Variants in BPTF observed in about 807,000 individuals in gnomAD.
BPTF encodes bromodomain PHD finger transcription factor.
In BPTF, 18 loss-of-function variants were observed where a neutral mutation model predicts 292.5. The ratio of observed to expected loss-of-function variants is 0.06; its 90% CI spans 0.04 to 0.09. The LOEUF is 0.09. BPTF is among the 10% of genes least tolerant of loss of function. The pLI, the probability that BPTF is intolerant of heterozygous loss-of-function variation, is 1.00. For synonymous variants in BPTF, 1,225 were observed against 1,251.9 expected, an observed-to-expected ratio of 0.98 and a Z score of 0.45; for missense variants, 2,726 against 3,498.7, an observed-to-expected ratio of 0.78 and a Z score of 5.57.
At chr17:67,869,919 G>A (rs61067468) in intron 3 of BPTF, among the ~76,000 whole-genome samples, 27,632 of 148,314 alleles carry the variant, frequency 0.19, 3,565 homozygotes, top group East Asian at 0.66. Context: ...AGAGAATGGC[G>A]TGAACCCGGG....
At chr17:67,895,597 G>C (rs1232976085) in intron 7 of BPTF, among the ~76,000 whole-genome samples, 1 of 151,546 alleles carries the variant, frequency 6.6e-6, no homozygotes, top group East Asian at 2.0e-4. Context: ...TGAGTAGTTG[G>C]GACTACAGAC....
In BPTF at chr17:67,860,421, ATTGC is replaced by A. The variant is rs1188546996; in HGVS notation, c.1436+5662_1436+5665del. On this transcript the variant is annotated intron_variant, in intron 2 of 27. Transcript: ENST00000306378. ...ATTTATAGAAATTAAGTTTTCTGTT[ATTGC>A]TTTTATTTAATAAGTGCTTAAAAAT... 2.6e-5 allele frequency among the ~76,000 whole-genome samples: 4 copies of A among 152,184 alleles called. No homozygotes were observed. The East Asian group carries it at 7.7e-4, about 29-fold the overall frequency.
intron 26 of BPTF, among the ~76,000 whole-genome samples, chr17:67,970,493 C>T (rs548643852): frequency 6.6e-6 from 1 of 152,248 alleles, no homozygotes; most frequent in East Asian, 1.9e-4. Flanking sequence ...TAATATAGAT[C>T]TCTAAAACGT....
At chr17:67,836,739 C>T (rs1176755627) in intron 1 of BPTF, among the ~76,000 whole-genome samples, 1 of 152,202 alleles carries the variant, frequency 6.6e-6, no homozygotes, top group Non-Finnish European at 1.5e-5. Flanking sequence ...GTGCAGTTTT[C>T]TGTTTTTGTA....
At chr17:67,856,281 T>C (rs1033494234) in intron 2 of BPTF, among the ~76,000 whole-genome samples, 1 of 152,136 alleles carries the variant, frequency 6.6e-6, no homozygotes, top group African/African-American at 2.4e-5. Context: ...TTTTATTATC[T>C]AAGAGCTCTT....
chr17:67,877,782 C>CTTAT (rs987263231), intron 4 of BPTF, among the ~76,000 whole-genome samples: 2 of 152,114 alleles, frequency 1.3e-5, no homozygotes, highest in Middle Eastern at 3.4e-3. Flanking sequence ...CCATGCCCAG[C>CTTAT]TTATTTATTT....
chr17:67,837,413 G>T lies in BPTF; in HGVS notation c.613+11076G>T, dbSNP rs1432419458. Among the ~76,000 whole-genome samples the T allele has an allele frequency of 2.0e-3, 291 of 143,840 alleles. 2 individuals are homozygous for T. Among genetic ancestry groups the T allele is most frequent in the African/African-American group, 7.0e-3 (276 of 39,556 alleles). 94.4% of individuals were successfully genotyped at this position (143,840 alleles called of 152,430 possible). A position where few individuals can be genotyped will look rare whatever the true frequency, so the allele number is the denominator to read the frequency against. ...TCCCTAGTCTGTGCTTATGTGTTTTGTTTTTTTTTTTTGAGATGGAGTCTT... is the reference window on the plus strand; with the variant it reads ...TCCCTAGTCTGTGCTTATGTGTTTTTTTTTTTTTTTTTGAGATGGAGTCTT... On this transcript the variant is annotated intron_variant, in intron 1 of 27. Coordinates refer to ENST00000306378, the MANE Select transcript of BPTF (RefSeq NM_182641.4).
At chr17:67,946,473 A>C in intron 21 of BPTF, 148 bp downstream of exon 21, 1 of 1,208,060 alleles carries the variant, frequency 8.3e-7, no homozygotes, top group South Asian at 1.6e-5. Context: ...GACCAAAAAA[A>C]ATACTGAATG....
At chr17:67,872,509 C>T (rs530033384) in intron 3 of BPTF, among the ~76,000 whole-genome samples, 12 of 152,088 alleles carry the variant, frequency 7.9e-5, no homozygotes, top group African/African-American at 2.7e-4. Context: ...AGTTTGAGAC[C>T]AGCATGGCCA....
At position 67,945,726 on chromosome 17, in the gene BPTF, C is replaced by A. The variant is rs782567803; in HGVS notation, c.7018C>A (p.Pro2340Thr). The A allele has an allele frequency of 1.4e-5, 23 of 1,614,216 alleles. No homozygotes were observed. In the South Asian group the frequency reaches 2.4e-4, roughly 17 times the overall value. ...QPQSNVQGQS[P>T]VRVQSPSQTR... ...TCAAAGTAATGTCCAAGGACAGTCT[C>A]CTGTTCGTGTCCAAAGTCCATCACA... Residue 2340 changes from proline to threonine, a missense_variant, in exon 21 of 28, where the codon CCT (proline) becomes ACT (threonine). Physicochemically the swap from Pro to Thr is conservative, Grantham distance 38. Coordinates refer to ENST00000306378, the MANE Select transcript of BPTF (RefSeq NM_182641.4).
chr17:67,862,343 A>T lies in BPTF; in HGVS notation c.1437-4121A>T, dbSNP rs550239359. Among the ~76,000 whole-genome samples the T allele has an allele frequency of 1.4e-4, 21 of 152,360 alleles. No homozygotes were observed. The South Asian group carries it at 1.9e-3, about 14-fold the overall frequency. The stretch of plus-strand genomic sequence containing the variant: ...GAGGAAAATGATGACAACTATGTAT[A>T]TGATACCCATGAAGTGCTGGTACTA... On this transcript the variant is annotated intron_variant, in intron 2 of 27. Coordinates refer to ENST00000306378, the MANE Select transcript of BPTF (RefSeq NM_182641.4).
intron 1 of BPTF, among the ~76,000 whole-genome samples, chr17:67,831,877 C>T (rs1284041903): frequency 6.6e-6 from 1 of 152,060 alleles, no homozygotes; most frequent in Non-Finnish European, 1.5e-5. Flanking sequence ...TTAATGCTGA[C>T]ACTGATTATT....
intron 26 of BPTF, among the ~76,000 whole-genome samples, chr17:67,968,712 C>T (rs1053411426): frequency 8.7e-5 from 13 of 150,116 alleles, no homozygotes; most frequent in African/African-American, 2.2e-4. Flanking sequence ...GACGTGAACC[C>T]GGGAGGTGGA....
At chr17:67,879,505 G>A (rs951811967) in intron 4 of BPTF, among the ~76,000 whole-genome samples, 2 of 152,118 alleles carry the variant, frequency 1.3e-5, no homozygotes, top group Non-Finnish European at 2.9e-5. Context: ...ACTGTGAGAA[G>A]GTTATTATAG....
At chr17:67,865,639 G>A (rs7216621) in intron 2 of BPTF, among the ~76,000 whole-genome samples, 15,322 of 152,170 alleles carry the variant, frequency 0.1, 2,637 homozygotes, top group African/African-American at 0.35. Context: ...CTCTCATCGA[G>A]TGCCTCACAC....
rs139590110 is a variant in BPTF at position 67,942,729 on chromosome 17, C to G, written c.6478-1421C>G. On this transcript the variant is annotated intron_variant, in intron 19 of 27. Transcript: ENST00000306378. ...CAAAAACTAAGAACAACTCAGGTGT[C>G]TATCAAAATCAGTTAGCTAAGTAAA... is the stretch of plus-strand genomic sequence containing the variant. Among the ~76,000 whole-genome samples the G allele has an allele frequency of 9.2e-4, 140 of 152,236 alleles. 1 individual carries two copies. Among genetic ancestry groups the G allele is most frequent in the African/African-American group, 3.1e-3 (127 of 41,514 alleles).
chr17:67,953,780 A>G (rs1353373085), intron 23 of BPTF, among the ~76,000 whole-genome samples: 2 of 149,788 alleles, frequency 1.3e-5, no homozygotes, highest in Non-Finnish European at 3.0e-5. Flanking sequence ...GGGTTTCATC[A>G]TGTTTGCCAG....
chr17:67,890,134 G>A (rs1176479365), intron 4 of BPTF, among the ~76,000 whole-genome samples: 1 of 152,096 alleles, frequency 6.6e-6, no homozygotes, highest in Non-Finnish European at 1.5e-5. Context: ...ATATTTTGGA[G>A]TCAAAATCTT....
intron 2 of BPTF, among the ~76,000 whole-genome samples, chr17:67,858,067 T>G (rs1046401077): frequency 2.4e-4 from 36 of 152,284 alleles, no homozygotes; most frequent in Admixed American, 2.2e-3. Context: ...ATTACAGGCG[T>G]GAGCCACCGT....
Sources: allele counts gnomAD v4.1 joint callset (sites outside exome capture counted in the v4.1 genomes callset), GRCh38; gene constraint gnomAD v4.1.1; transcripts MANE v1.5; gene names NCBI Gene and HGNC (gene_info 2026-07-23, HGNC 2026-07-21).